Variants in DNAJB6 observed in about 807,000 individuals in gnomAD.
DNAJB6 encodes the protein DnaJ heat shock protein family (Hsp40) member B6.
In DNAJB6, 16 loss-of-function variants were observed where a neutral mutation model predicts 42.7. The ratio of observed to expected loss-of-function variants is 0.37; its 90% confidence interval spans 0.25 to 0.57. The LOEUF (loss-of-function observed/expected upper bound fraction) is 0.57. DNAJB6 is among the 20% of genes least tolerant of loss of function. The pLI is 0.74. For missense variants in DNAJB6, 347 were observed against 416.8 expected (o/e 0.83, Z 1.46); for synonymous variants, 170 against 163.5 (o/e 1.04, Z -0.30).
intron 1 of DNAJB6, among the ~76,000 whole-genome samples, chr7:157,347,229 G>C (rs927299248): frequency 6.6e-6 from 1 of 152,124 alleles, no homozygotes; most frequent in Non-Finnish European, 1.5e-5. Flanking sequence ...AGTCTTACTG[G>C]CATTTGATGA....
At chr7:157,353,091 T>C (rs1047940336) in intron 1 of DNAJB6, among the ~76,000 whole-genome samples, 8 of 151,802 alleles carry the variant, frequency 5.3e-5, no homozygotes, top group Non-Finnish European at 7.4e-5. Flanking sequence ...TTTTTTTTTT[T>C]AATTTTTAAA....
At chr7:157,410,085 C>G in intron 9 of DNAJB6, 84 bp downstream of exon 9, 2 of 1,458,614 alleles carry the variant, frequency 1.4e-6, no homozygotes, top group Non-Finnish European at 1.8e-6. Flanking sequence ...CAAACCGCGC[C>G]TGGGCTGCTG....
At chr7:157,380,185 T>G (rs1384782672) in intron 5 of DNAJB6, 2 of 152,190 alleles carry the variant, frequency 1.3e-5, no homozygotes, top group African/African-American at 2.4e-5. Context: ...TTAACTGTAT[T>G]TGTAATGTTT....
chr7:157,405,465 C>G (rs1364825059), intron 8 of DNAJB6, among the ~76,000 whole-genome samples: 1 of 152,190 alleles, frequency 6.6e-6, no homozygotes. Flanking sequence ...CCTTCCTCCT[C>G]GTGGTGACTG....
chr7:157,365,457 C>T (rs892775019), intron 3 of DNAJB6, among the ~76,000 whole-genome samples: 1 of 152,232 alleles, frequency 6.6e-6, no homozygotes, highest in South Asian at 2.1e-4. Flanking sequence ...AGGTTGGCGC[C>T]TTTCTGGCAC....
chr7:157,366,877 T>C (rs1336485376), intron 4 of DNAJB6, among the ~76,000 whole-genome samples: 1 of 152,248 alleles, frequency 6.6e-6, no homozygotes, highest in Non-Finnish European at 1.5e-5. Context: ...GAGCAGATTT[T>C]CCTGAAAAGC....
At position 157,382,275 on chromosome 7, in the gene DNAJB6, C is replaced by T. The variant is rs1584924401; in HGVS notation, c.376C>T (p.Arg126Ter). The change falls in exon 6 of 10, where the codon CGA becomes TGA. Residue 126 changes from arginine to a stop codon, truncating the protein, a stop_gained. Transcript: ENST00000262177. LOFTEE classifies it high-confidence loss of function. ...CCCTTTTGAGGACTTCTTTGGGAATCGAAGGGGTCCCCGAGGAAGCAGAAG... is the reference window on the plus strand; with the variant it reads ...CCCTTTTGAGGACTTCTTTGGGAATTGAAGGGGTCCCCGAGGAAGCAGAAG... ...EDPFEDFFGN[R>*]RGPRGSRSRG... 1.9e-6 allele frequency: 3 copies of T among 1,607,618 alleles called. No individual in the cohort carries two copies. The highest frequency in any genetic ancestry group is 1.1e-5 in the South Asian group (1 of 89,658).
chr7:157,369,787 T>G (rs1051625862), intron 5 of DNAJB6, among the ~76,000 whole-genome samples: 2 of 150,776 alleles, frequency 1.3e-5, no homozygotes, highest in African/African-American at 4.9e-5. Context: ...TTCATAACAT[T>G]ATTATTAAAC....
chr7:157,348,756 G>A (rs1441270082), intron 1 of DNAJB6, among the ~76,000 whole-genome samples: 2 of 151,940 alleles, frequency 1.3e-5, no homozygotes, highest in African/African-American at 2.4e-5. Context: ...CTTCAGTTGC[G>A]CCCTGTTCTT....
Position 157,416,359 on chromosome 7 carries a change from A to G in DNAJB6, c.*261A>G. On this transcript the variant is annotated 3_prime_UTR_variant, in exon 10 of 10. Coordinates refer to ENST00000262177, the MANE Select transcript of DNAJB6 (RefSeq NM_058246.4). ...CTCTCAATCTGCTGCATTTTCCTCTAGTGCTTCCGGATCCTCTTCATTCTT... is the reference window on the plus strand; with the variant it reads ...CTCTCAATCTGCTGCATTTTCCTCTGGTGCTTCCGGATCCTCTTCATTCTT... The G allele has an allele frequency of 2.1e-6, 1 of 484,306 alleles. No individual in the cohort carries two copies. Among genetic ancestry groups the G allele is most frequent in the East Asian group, 3.5e-5 (1 of 28,544 alleles). 30.0% of individuals were successfully genotyped at this position (484,306 alleles called of 1,614,324 possible). A position where few individuals can be genotyped will look rare whatever the true frequency, so the allele number is the denominator to read the frequency against.
chr7:157,382,559 T>C, intron 6 of DNAJB6, 182 bp downstream of exon 6: 3 of 431,102 alleles, frequency 7.0e-6, no homozygotes, highest in Non-Finnish European at 7.8e-6. Context: ...CTCCTAATCT[T>C]CCTAAGAATG....
At chr7:157,391,080 C>T (rs1169881771) in intron 8 of DNAJB6, among the ~76,000 whole-genome samples, 2 of 152,230 alleles carry the variant, frequency 1.3e-5, no homozygotes, top group Non-Finnish European at 2.9e-5. Flanking sequence ...GAGCGCATCA[C>T]TCACTTTGGC....
At chr7:157,353,004 T>C (rs1799073907) in intron 1 of DNAJB6, among the ~76,000 whole-genome samples, 1 of 152,174 alleles carries the variant, frequency 6.6e-6, no homozygotes, top group Admixed American at 6.6e-5. Context: ...ATTTTAAATG[T>C]AGGTTTTAAA....
Position 157,364,779 on chromosome 7 carries a change from T to C in DNAJB6, c.175+1509T>C, listed in dbSNP as rs556715344. ...CACACTGAAAAGTCGCTTGGTTCTTTTGGGAGGTGTATGAGGTGTGTTTTT... is the reference window on the plus strand; with the variant it reads ...CACACTGAAAAGTCGCTTGGTTCTTCTGGGAGGTGTATGAGGTGTGTTTTT... On this transcript the variant is annotated intron_variant, in intron 3 of 9. Transcript: ENST00000262177. Among the ~76,000 whole-genome samples the C allele has an allele frequency of 5.9e-5, 9 of 152,314 alleles. No homozygotes were observed. In the East Asian group the frequency reaches 1.7e-3, roughly 29 times the overall value.
chr7:157,344,925 A>T (rs1311453228), intron 1 of DNAJB6, among the ~76,000 whole-genome samples: 1 of 152,028 alleles, frequency 6.6e-6, no homozygotes, highest in African/African-American at 2.4e-5. Context: ...GATTTCTTTT[A>T]AAGTGCTACT....
intron 8 of DNAJB6, among the ~76,000 whole-genome samples, chr7:157,405,753 T>TGGGCCTGGGA (rs1310219525): frequency 6.6e-6 from 1 of 152,200 alleles, no homozygotes; most frequent in Non-Finnish European, 1.5e-5. Flanking sequence ...TGGATAATGC[T>TGGGCCTGGGA]GGGCCTGGGA....
chr7:157,391,849 C>T (rs564422200), intron 8 of DNAJB6, among the ~76,000 whole-genome samples: 3 of 152,206 alleles, frequency 2.0e-5, no homozygotes, highest in East Asian at 3.9e-4. Context: ...TGCCTGTAAT[C>T]CCAGTGCTCT....
intron 8 of DNAJB6, among the ~76,000 whole-genome samples, chr7:157,406,577 T>C (rs1584948963): frequency 6.6e-6 from 1 of 152,140 alleles, no homozygotes. Flanking sequence ...GGCTGAGCTG[T>C]GCAGGAGAGG....
intron 2 of DNAJB6, among the ~76,000 whole-genome samples, chr7:157,359,936 A>T (rs1178938035): frequency 6.6e-6 from 1 of 152,234 alleles, no homozygotes; most frequent in Non-Finnish European, 1.5e-5. Flanking sequence ...TGCTGTCACT[A>T]GTAGAGTGAG....
Sources: allele counts gnomAD v4.1 joint callset (sites outside exome capture counted in the v4.1 genomes callset), GRCh38; gene constraint gnomAD v4.1.1; transcripts MANE v1.5; gene names NCBI Gene and HGNC (gene_info 2026-07-23, HGNC 2026-07-21).